Variants in PPP2R2B observed in about 807,000 individuals in gnomAD.
PPP2R2B encodes the protein serine/threonine-protein phosphatase 2A 55 kDa regulatory subunit B beta isoform.
In PPP2R2B, 5 loss-of-function variants were observed where a neutral mutation model predicts 46.0. The observed-to-expected ratio is 0.11, with a 90% CI of 0.06 to 0.23. The LOEUF (loss-of-function observed/expected upper bound fraction) is 0.23, where lower values mean the gene tolerates loss of function less well. PPP2R2B is among the 10% of genes least tolerant of loss of function. The pLI, the probability that PPP2R2B is intolerant of heterozygous loss-of-function variation, is 1.00. For synonymous variants in PPP2R2B, 215 were observed against 206.7 expected, an observed-to-expected ratio of 1.04 and a Z score of -0.34; for missense variants, 367 against 575.0, an observed-to-expected ratio of 0.64 and a Z score of 3.70.
At chr5:146,750,730 C>T (rs1342276725) in intron 2 of PPP2R2B, among the ~76,000 whole-genome samples, 5 of 152,174 alleles carry the variant, frequency 3.3e-5, no homozygotes, top group Non-Finnish European at 7.3e-5. Flanking sequence ...AACATGGGCA[C>T]AGCATTGCTA....
At chr5:146,930,023 C>T (rs947624942) in intron 1 of PPP2R2B, among the ~76,000 whole-genome samples, 5 of 152,164 alleles carry the variant, frequency 3.3e-5, no homozygotes, top group African/African-American at 7.2e-5. Context: ...CCTGGTCTCA[C>T]AGAATTTATG....
intron 5 of PPP2R2B, among the ~76,000 whole-genome samples, chr5:146,683,729 A>AG (rs1561830248): frequency 6.6e-6 from 1 of 152,204 alleles, no homozygotes; most frequent in African/African-American, 2.4e-5. Flanking sequence ...CAAAACACAA[A>AG]GGCTTGTCAG....
upstream of PPP2R2B, among the ~76,000 whole-genome samples, chr5:147,058,287 G>A (rs181100741): frequency 9.9e-5 from 15 of 152,234 alleles, no homozygotes; most frequent in Non-Finnish European, 1.9e-4. Context: ...CATAAAGCTG[G>A]AATATATCAT....
chr5:146,861,049 T>TTTTTC, intron 2 of PPP2R2B, among the ~76,000 whole-genome samples: 1 of 97,916 alleles, frequency 1.0e-5, no homozygotes. Context: ...CAAACTGAAT[T>TTTTTC]TTTTCTTTTT....
intron 5 of PPP2R2B, among the ~76,000 whole-genome samples, chr5:146,671,644 C>T (rs551977224): frequency 1.8e-4 from 28 of 152,176 alleles, no homozygotes; most frequent in Non-Finnish European, 3.2e-4. Context: ...CTATAAGTGA[C>T]GGCTGACTTC....
chr5:146,693,366 C>T (rs937190955), intron 4 of PPP2R2B, among the ~76,000 whole-genome samples: 11 of 152,034 alleles, frequency 7.2e-5, no homozygotes, highest in African/African-American at 2.7e-4. Context: ...AGTCACATGC[C>T]ACCACGCCCA....
chr5:146,979,351 T>C (rs1753059697), intron 1 of PPP2R2B, among the ~76,000 whole-genome samples: 1 of 152,208 alleles, frequency 6.6e-6, no homozygotes, highest in African/African-American at 2.4e-5. Context: ...CATCATTTTA[T>C]AAAATTTCAC....
At chr5:146,783,565 C>T (rs1165042159) in intron 2 of PPP2R2B, among the ~76,000 whole-genome samples, 2 of 152,172 alleles carry the variant, frequency 1.3e-5, no homozygotes, top group Non-Finnish European at 2.9e-5. Flanking sequence ...ATCAGTTAAA[C>T]ATCATGCTAT....
chr5:146,592,118 G>A (rs921842451), intron 9 of PPP2R2B: 2 of 444,378 alleles, frequency 4.5e-6, no homozygotes, highest in Non-Finnish European at 9.0e-6. Context: ...TTATGTCACA[G>A]TTGCTTTGCT....
At chr5:146,834,906 T>G (rs961449952) in intron 2 of PPP2R2B, among the ~76,000 whole-genome samples, 2 of 152,188 alleles carry the variant, frequency 1.3e-5, no homozygotes, top group Admixed American at 6.5e-5. Flanking sequence ...TTAGTTGGCT[T>G]AGGATAATGG....
intron 7 of PPP2R2B, chr5:146,607,058 G>A (rs542361265): frequency 6.6e-6 from 1 of 152,162 alleles, no homozygotes; most frequent in African/African-American, 2.4e-5. Context: ...CCTACAGAGT[G>A]AGGCAGATGG....
At chr5:146,936,565 C>T (rs1042877611) in intron 1 of PPP2R2B, among the ~76,000 whole-genome samples, 1 of 149,964 alleles carries the variant, frequency 6.7e-6, no homozygotes, top group African/African-American at 2.5e-5. Flanking sequence ...TTTTTACAGT[C>T]GTTTTGATTG....
chr5:146,812,828 T>TATATATAC (rs1367189583), intron 2 of PPP2R2B, among the ~76,000 whole-genome samples: 2 of 79,656 alleles, frequency 2.5e-5, no homozygotes, highest in South Asian at 4.1e-4. Context: ...TATATATATA[T>TATATATAC]ACACACACAT....
At chr5:146,776,789 T>C (rs7341069) in intron 2 of PPP2R2B, among the ~76,000 whole-genome samples, 9,002 of 152,042 alleles carry the variant, frequency 0.059, 431 homozygotes, top group African/African-American at 0.13. Flanking sequence ...ATAACTCTTA[T>C]AACTCAGCAA....
At chr5:146,631,046 G>C (rs1199756253) in intron 7 of PPP2R2B, among the ~76,000 whole-genome samples, 2 of 152,144 alleles carry the variant, frequency 1.3e-5, no homozygotes, top group African/African-American at 4.8e-5. Context: ...ACTCACTACT[G>C]TCAGTTTGGT....
chr5:146,984,228 TCTGA>T (rs1454737851), intron 1 of PPP2R2B, among the ~76,000 whole-genome samples: 2 of 152,190 alleles, frequency 1.3e-5, no homozygotes, highest in African/African-American at 2.4e-5. Context: ...CTTTGTATGC[TCTGA>T]CTATCATCTT....
intron 6 of PPP2R2B, among the ~76,000 whole-genome samples, chr5:146,639,703 G>T (rs779300738): frequency 9.9e-5 from 15 of 152,168 alleles, no homozygotes; most frequent in Non-Finnish European, 2.1e-4. Flanking sequence ...CCCTATCTGT[G>T]CATCATCAGA....
At chr5:146,950,188 T>C (rs1330498823) in intron 1 of PPP2R2B, among the ~76,000 whole-genome samples, 2 of 152,058 alleles carry the variant, frequency 1.3e-5, no homozygotes, top group Non-Finnish European at 1.5e-5. Context: ...CCCGATGTGA[T>C]TATTATGCAT....
chr5:146,649,379 T>C (rs1201970594), intron 6 of PPP2R2B, among the ~76,000 whole-genome samples: 3 of 152,038 alleles, frequency 2.0e-5, no homozygotes, highest in Admixed American at 6.5e-5. Context: ...AGGGTCAACA[T>C]AGTGGGGGTG....
Sources: gnomAD v4.1 joint callset for allele counts (sites outside exome capture counted in the v4.1 genomes callset) on GRCh38, gnomAD v4.1.1 for gene constraint, MANE v1.5 for transcripts, NCBI Gene and HGNC (gene_info 2026-07-23, HGNC 2026-07-21) for gene names.